The following HEATR5A variants were observed in gnomAD, a reference collection of about 807,000 sequenced individuals.
The protein encoded by HEATR5A is HEAT repeat containing 5A.
Under a neutral mutation model 218.8 loss-of-function variants are expected in HEATR5A, and 178 were observed. The ratio of observed to expected loss-of-function variants is 0.81; its 90% CI spans 0.72 to 0.92. HEATR5A has a LOEUF of 0.92. Among genes scored for constraint, HEATR5A ranks in the 40% least tolerant of loss-of-function variants. The pLI, the probability that HEATR5A is intolerant of heterozygous loss-of-function variation, is 0.00. For missense variants in HEATR5A, 2,420 were observed against 2,418.9 expected (o/e 1.00, Z -0.01); for synonymous variants, 864 against 871.6 (o/e 0.99, Z 0.15).
chr14:31,388,740 C>T (rs919629731), intron 7 of HEATR5A, 105 bp downstream of exon 7: 5 of 826,838 alleles, frequency 6.0e-6, no homozygotes, highest in Non-Finnish European at 9.8e-6. Context: ...GATATGAGAG[C>T]ATAAGTGTTG....
Position 31,403,046 on chromosome 14 carries a change from A to G in HEATR5A, c.-71T>C. Reference sequence around the variant, plus strand: ...CTTTGGTCAATATACCTAACAATAAAAATCTGCAATACAGGAAAATAATGT... The same window carrying G: ...CTTTGGTCAATATACCTAACAATAAGAATCTGCAATACAGGAAAATAATGT... On this transcript the variant is annotated 5_prime_UTR_variant, in exon 2 of 36. Transcript: ENST00000543095. 1 of 1,355,404 alleles carries G rather than the reference A, an allele frequency of 7.4e-7. No individual in the cohort carries two copies. Among genetic ancestry groups the G allele is most frequent in the East Asian group, 2.5e-5 (1 of 39,238 alleles). The allele number at this position is 1,355,404 out of a possible 1,614,324, so 84.0% of individuals were successfully genotyped here.
In HEATR5A at chr14:31,395,198, C is replaced by T; in HGVS notation, c.597+1G>A. 3 of 1,498,926 alleles carry T rather than the reference C, an allele frequency of 2.0e-6. No individual in the cohort carries two copies. The highest frequency in any genetic ancestry group is 2.7e-6 in the Non-Finnish European group (3 of 1,127,380). The allele number at this position is 1,498,926 out of a possible 1,614,324, so 92.9% of individuals were successfully genotyped here. A position where few individuals can be genotyped will look rare whatever the true frequency, so the allele number is the denominator to read the frequency against. ...AAAGTCTGCTTATTAGATCATTTTACCTTTGCAGCAGCACAACGAACAGCC... is the reference window on the plus strand; with the variant it reads ...AAAGTCTGCTTATTAGATCATTTTATCTTTGCAGCAGCACAACGAACAGCC... On this transcript the variant is annotated splice_donor_variant, in intron 5 of 35. Coordinates refer to ENST00000543095, the MANE Select transcript of HEATR5A (RefSeq NM_015473.4). LOFTEE classifies it high-confidence loss of function.
chr14:31,378,853 T>C (rs949651186), intron 11 of HEATR5A, among the ~76,000 whole-genome samples: 1 of 152,066 alleles, frequency 6.6e-6, no homozygotes, highest in African/African-American at 2.4e-5. Flanking sequence ...TTGTTTATTC[T>C]AATTTAAGCT....
chr14:31,307,695 G>C (rs1271781297), intron 30 of HEATR5A, among the ~76,000 whole-genome samples, 198 bp downstream of exon 30: 1 of 152,268 alleles, frequency 6.6e-6, no homozygotes, highest in African/African-American at 2.4e-5. Flanking sequence ...ACAGAAAAGC[G>C]GCAGAGTAAG....
At chr14:31,358,423 G>A (rs1901500188) in intron 16 of HEATR5A, among the ~76,000 whole-genome samples, 1 of 152,172 alleles carries the variant, frequency 6.6e-6, no homozygotes, top group African/African-American at 2.4e-5. Flanking sequence ...GATAAGCTGT[G>A]AGCAAAGTAT....
Position 31,400,309 on chromosome 14 carries a change from G to T in HEATR5A, c.330C>A (p.Pro110=). ...RSKDDSPSYL[P]TKLAAVVCLG... ...TTTAATGTTTCACTTACAGCTTAGT[G>T]GGAAGATAACTTGGAGAATCATCTT... is the stretch of plus-strand genomic sequence containing the variant. The change falls in exon 3 of 36, where the codon CCC becomes CCA. Residue 110 remains proline, a synonymous_variant. Transcript: ENST00000543095. 1 of 1,530,126 alleles carries T rather than the reference G, an allele frequency of 6.5e-7. No individual in the cohort carries two copies. The highest frequency in any genetic ancestry group is 1.2e-5 in the South Asian group (1 of 83,820). The allele number at this position is 1,530,126 out of a possible 1,614,324, so 94.8% of individuals were successfully genotyped here.
chr14:31,336,765 G>A (rs915011143), intron 22 of HEATR5A, among the ~76,000 whole-genome samples: 14 of 152,100 alleles, frequency 9.2e-5, no homozygotes, highest in Non-Finnish European at 7.4e-5. Context: ...ATTTGACTGC[G>A]GTGAAAAAAC....
rs776577748 is a variant in HEATR5A at position 31,293,315 on chromosome 14, C to T, written c.6131G>A (p.Ser2044Asn). ...ATTCCAAAAAAAAAATCAGAGGAAACTGGTCTTTAATTGGATGCTTGAGTT... is the reference window on the plus strand; with the variant it reads ...ATTCCAAAAAAAAAATCAGAGGAAATTGGTCTTTAATTGGATGCTTGAGTT... ...GKNSSIQLKT[S>N]FL The change falls in exon 36 of 36, where the codon AGT becomes AAT. Residue 2044 changes from serine (S) to asparagine (N), a missense_variant. Ser to Asn is a conservative substitution (Grantham distance 46). Transcript: ENST00000543095. 3 of 1,581,286 alleles carry T rather than the reference C, an allele frequency of 1.9e-6. No individual in the cohort carries two copies. Among genetic ancestry groups the T allele is most frequent in the African/African-American group, 1.4e-5 (1 of 72,754 alleles).
intron 1 of HEATR5A, chr14:31,420,008 C>G (rs1176165699): frequency 6.6e-6 from 1 of 152,240 alleles, no homozygotes; most frequent in Admixed American, 6.5e-5. Context: ...GGCCGGGGCC[C>G]GGCTCCTGGC....
intron 1 of HEATR5A, among the ~76,000 whole-genome samples, chr14:31,410,136 A>C (rs1311033311): frequency 6.6e-6 from 1 of 152,230 alleles, no homozygotes; most frequent in Non-Finnish European, 1.5e-5. Context: ...AATGAAACTA[A>C]TTCCAGAATG....
In HEATR5A at chr14:31,344,021, C is replaced by A; in HGVS notation, c.3103G>T (p.Gly1035Cys). ...ISTLRTSCLL[G>C]CAVMQDNPDC... ...GGGTTATCTTGCATTACTGCACAAC[C>A]CAGTAGACAGGAAGTCCTTAAGGTA... The change falls in exon 21 of 36, where the codon GGT (glycine) becomes TGT (cysteine). Residue 1035 changes from glycine to cysteine, a missense_variant. Physicochemically the swap from Gly to Cys is radical, Grantham distance 159. Coordinates refer to ENST00000543095, the MANE Select transcript of HEATR5A (RefSeq NM_015473.4). 1 of 1,589,732 alleles carries A rather than the reference C, an allele frequency of 6.3e-7. No individual in the cohort carries two copies. Among genetic ancestry groups the A allele is most frequent in the Non-Finnish European group, 8.5e-7 (1 of 1,169,596 alleles).
intron 1 of HEATR5A, among the ~76,000 whole-genome samples, chr14:31,409,415 T>A (rs937204591): frequency 2.3e-4 from 35 of 150,104 alleles, no homozygotes; most frequent in African/African-American, 8.3e-4. Context: ...AACCGTATTA[T>A]CAGGCCAGGC....
chr14:31,311,474 C>A (rs1048092291), intron 28 of HEATR5A, among the ~76,000 whole-genome samples: 1 of 151,758 alleles, frequency 6.6e-6, no homozygotes, highest in African/African-American at 2.4e-5. Context: ...TACAGTGGCA[C>A]GATGATAGCT....
chr14:31,310,691 T>C (rs1042519584), intron 28 of HEATR5A, among the ~76,000 whole-genome samples: 16 of 152,276 alleles, frequency 1.1e-4, no homozygotes, highest in Admixed American at 5.9e-4. Context: ...TTTTTCCACT[T>C]AACATTATGT....
chr14:31,395,562 C>A (rs1312742499), intron 4 of HEATR5A, among the ~76,000 whole-genome samples: 1 of 152,150 alleles, frequency 6.6e-6, no homozygotes, highest in Non-Finnish European at 1.5e-5. Context: ...ACAAATTTCA[C>A]AGGGTTGATG....
At chr14:31,363,843 G>A (rs933089501) in intron 14 of HEATR5A, among the ~76,000 whole-genome samples, 7 of 152,114 alleles carry the variant, frequency 4.6e-5, no homozygotes, top group African/African-American at 1.4e-4. Context: ...CTAGCTGAGC[G>A]TGGTGGTGTG....
In HEATR5A at chr14:31,356,608, G is replaced by A. The variant is rs560886738; in HGVS notation, c.2411+2029C>T. Among the ~76,000 whole-genome samples, 7 of 151,972 alleles carry A rather than the reference G, an allele frequency of 4.6e-5. No individual in the cohort carries two copies. In the East Asian group the frequency reaches 9.7e-4, roughly 21 times the overall value. On this transcript the variant is annotated intron_variant, in intron 16 of 35. Transcript: ENST00000543095. The stretch of plus-strand genomic sequence containing the variant: ...TGTTAGAATCCAAACAGAATGATAG[G>A]GTTTGCTTTTATCTGTTCTCAATGT...
At chr14:31,353,888 C>A (rs567954199) in intron 16 of HEATR5A, among the ~76,000 whole-genome samples, 1 of 152,154 alleles carries the variant, frequency 6.6e-6, no homozygotes, top group East Asian at 1.9e-4. Context: ...CAAGCTCTGC[C>A]TCCCAGGTTC....
At chr14:31,357,046 T>C (rs1566766346) in intron 16 of HEATR5A, among the ~76,000 whole-genome samples, 1 of 152,214 alleles carries the variant, frequency 6.6e-6, no homozygotes, top group Non-Finnish European at 1.5e-5. Context: ...TCAAATTTCA[T>C]CCTCTCCATG....
Sources: gnomAD v4.1 joint callset for allele counts (sites outside exome capture counted in the v4.1 genomes callset) on GRCh38, gnomAD v4.1.1 for gene constraint, MANE v1.5 for transcripts, NCBI Gene and HGNC (gene_info 2026-07-23, HGNC 2026-07-21) for gene names.